The following TMX4 variants were observed in gnomAD, a reference collection of about 807,000 sequenced individuals.
The protein encoded by TMX4 is thioredoxin-related transmembrane protein 4.
A neutral mutation model predicts 33.3 loss-of-function variants in TMX4; 23 were observed. The ratio of observed to expected loss-of-function variants is 0.69; its 90% CI spans 0.50 to 0.98. The LOEUF (loss-of-function observed/expected upper bound fraction) is 0.98, where lower values mean the gene tolerates loss of function less well. Ranked by LOEUF, TMX4 falls within the 50% of genes least tolerant of loss-of-function variation. The probability of loss-of-function intolerance (pLI) is 0.00; values close to 1 mark genes in which losing one functional copy is unlikely to be tolerated. For synonymous variants in TMX4, 164 were observed against 161.5 expected, an observed-to-expected ratio of 1.02 and a Z score of -0.12; for missense variants, 399 against 448.9, an observed-to-expected ratio of 0.89 and a Z score of 1.01.
At position 7,982,590 on chromosome 20, in the gene TMX4, T is replaced by C. The variant is rs2050612921; in HGVS notation, c.711A>G (p.Arg237=). The C allele has an allele frequency of 9.9e-6, 16 of 1,613,030 alleles. No homozygotes were observed. The highest frequency in any genetic ancestry group is 1.4e-5 in the Non-Finnish European group (16 of 1,179,908). ...EQNRRSEEAH[R]AEQLQDAEEE... is the part of the protein sequence containing the mutation. ...CCTCCGCATCCTGCAACTGTTCAGCTCTATGAGCCTCCTCTGATCTCCGAT... is the reference window on the plus strand; with the variant it reads ...CCTCCGCATCCTGCAACTGTTCAGCCCTATGAGCCTCCTCTGATCTCCGAT... The change falls in exon 8 of 8, where the codon AGA becomes AGG. Residue 237 remains arginine (R), a synonymous_variant. Transcript: ENST00000246024.
At chr20:7,994,774 T>C (rs1354168954) in intron 5 of TMX4, among the ~76,000 whole-genome samples, 2 of 152,200 alleles carry the variant, frequency 1.3e-5, no homozygotes, top group Non-Finnish European at 2.9e-5. Context: ...TACATGATTT[T>C]GTCAGTCTTT....
intron 1 of TMX4, among the ~76,000 whole-genome samples, chr20:8,014,858 G>T (rs2050766634): frequency 6.6e-6 from 1 of 152,210 alleles, no homozygotes; most frequent in African/African-American, 2.4e-5. Flanking sequence ...GAGGGCCAAA[G>T]CAAGAGTCAA....
chr20:7,983,455 C>T (rs2050617776), intron 7 of TMX4, among the ~76,000 whole-genome samples: 1 of 152,080 alleles, frequency 6.6e-6, no homozygotes, highest in South Asian at 2.1e-4. Context: ...TTTTAAAGGA[C>T]TTAGAAGAGT....
intron 2 of TMX4, among the ~76,000 whole-genome samples, chr20:8,009,091 G>A (rs1208639906): frequency 1.3e-5 from 2 of 152,090 alleles, no homozygotes; most frequent in African/African-American, 4.8e-5. Context: ...AAAGGATGCA[G>A]TAGGTATAAA....
intron 3 of TMX4, 140 bp downstream of exon 3, chr20:8,001,356 C>T (rs2050706706): frequency 2.4e-6 from 2 of 849,756 alleles, no homozygotes; most frequent in South Asian, 3.5e-5. Flanking sequence ...CTTGTCACAG[C>T]TCTCACTCAG....
At position 7,995,739 on chromosome 20, in the gene TMX4, A is replaced by G. The variant is rs149918721; in HGVS notation, c.513+287T>C. ...GGGAGATATGCCTACAAAGAAATAC[A>G]TAAGATAAAGTAAAATCACATAAGC... On this transcript the variant is annotated intron_variant, in intron 5 of 7. Transcript: ENST00000246024. Among the ~76,000 whole-genome samples, 584 of 152,112 alleles carry G rather than the reference A, an allele frequency of 3.8e-3. 5 individuals carry two copies. Among genetic ancestry groups the G allele is most frequent in the Admixed American group, 0.011 (164 of 15,240 alleles).
Position 8,019,685 on chromosome 20 carries a change from C to T in TMX4, c.-72G>A, listed in dbSNP as rs1026790762. 1.1e-5 allele frequency: 13 copies of T among 1,237,106 alleles called. No homozygotes were observed. The highest frequency in any genetic ancestry group is 1.3e-5 in the Non-Finnish European group (13 of 979,470). The allele number at this position is 1,237,106 out of a possible 1,614,324, so 76.6% of individuals were successfully genotyped here. A position where few individuals can be genotyped will look rare whatever the true frequency, so the allele number is the denominator to read the frequency against. On this transcript the variant is annotated 5_prime_UTR_variant, in exon 1 of 8. Transcript: ENST00000246024. ...AGCGGCCGGCCCGCAGCCTCGCTCGCCCGCCGGGTTTTTCAAGGAAGCGGG... is the reference window on the plus strand; with the variant it reads ...AGCGGCCGGCCCGCAGCCTCGCTCGTCCGCCGGGTTTTTCAAGGAAGCGGG...
In TMX4 at chr20:7,982,157, A is replaced by G. The variant is rs2050608849; in HGVS notation, c.*94T>C. The stretch of plus-strand genomic sequence containing the variant: ...AGCATCTTTTAAGAGAAGCTTGCTC[A>G]TTCAGGAAAAATTAAGGATTTGGTA... On this transcript the variant is annotated 3_prime_UTR_variant, in exon 8 of 8. Coordinates refer to ENST00000246024, the MANE Select transcript of TMX4 (RefSeq NM_021156.4). The G allele has an allele frequency of 7.5e-7, 1 of 1,335,546 alleles. No individual in the cohort carries two copies. The highest frequency in any genetic ancestry group is 1.5e-5 in the South Asian group (1 of 68,930). 82.7% of individuals were successfully genotyped at this position (1,335,546 alleles called of 1,614,324 possible).
chr20:8,009,789 G>T (rs917890623), intron 2 of TMX4, among the ~76,000 whole-genome samples: 5 of 147,714 alleles, frequency 3.4e-5, no homozygotes, highest in African/African-American at 1.3e-4. Flanking sequence ...ATTGTTGATT[G>T]CAAGAGACTA....
In TMX4 at chr20:8,010,219, T is replaced by C; in HGVS notation, c.273A>G (p.Val91=). ...CAGTACCTGGTTCTTGAATGACATC[T>C]ACCTTCCCCACACTGATCTGAAGTA... The part of the protein sequence containing the change: ...GEILQISVGK[V]DVIQEPGLSG... Residue 91 remains valine (V), a synonymous_variant, in exon 2 of 8, where the codon GTA becomes GTG. Transcript: ENST00000246024. 6.2e-7 allele frequency: 1 copy of C among 1,610,168 alleles called. No homozygotes were observed. Among genetic ancestry groups the C allele is most frequent in the Non-Finnish European group, 8.5e-7 (1 of 1,177,680 alleles).
intron 2 of TMX4, among the ~76,000 whole-genome samples, chr20:8,005,833 A>C (rs917439133): frequency 9.2e-5 from 14 of 151,958 alleles, no homozygotes; most frequent in Non-Finnish European, 1.9e-4. Context: ...GGGTGGCCCA[A>C]CTCCAGGGGA....
chr20:8,005,333 C>T (rs2179132), intron 2 of TMX4, among the ~76,000 whole-genome samples: 38,387 of 152,122 alleles, frequency 0.25, 9,231 homozygotes, highest in African/African-American at 0.6. Flanking sequence ...ACCTGATCTA[C>T]GCAGTATTAA....
chr20:8,009,277 C>T (rs1163761256), intron 2 of TMX4, among the ~76,000 whole-genome samples: 1 of 152,116 alleles, frequency 6.6e-6, no homozygotes, highest in Non-Finnish European at 1.5e-5. Context: ...CTCTGTATCA[C>T]TCCACTCTTT....
At chr20:8,000,058 G>A (rs1208992294) in intron 3 of TMX4, among the ~76,000 whole-genome samples, 198 bp from the exon 4 acceptor site, 5 of 152,092 alleles carry the variant, frequency 3.3e-5, no homozygotes, top group African/African-American at 7.2e-5. Flanking sequence ...ACCTAAAAGC[G>A]TTAACATTCT....
chr20:8,016,769 T>G (rs190594875), intron 1 of TMX4, among the ~76,000 whole-genome samples: 2 of 152,260 alleles, frequency 1.3e-5, no homozygotes, highest in African/African-American at 4.8e-5. Flanking sequence ...AGAACTCTCA[T>G]TCAAAGTAAT....
chr20:8,008,703 A>G (rs2050740427), intron 2 of TMX4, among the ~76,000 whole-genome samples: 1 of 152,212 alleles, frequency 6.6e-6, no homozygotes, highest in Non-Finnish European at 1.5e-5. Flanking sequence ...AGTAATTAAC[A>G]AGTCTTATGC....
At position 8,010,307 on chromosome 20, in the gene TMX4, G is replaced by A. The variant is rs1251576516; in HGVS notation, c.185C>T (p.Pro62Leu). Residue 62 changes from proline to leucine, a missense_variant, in exon 2 of 8, where the codon CCA (proline) becomes CTA (leucine). Transcript: ENST00000246024. ...AGTCTGCTGGCAGGATGGACACCATGGGGCGTAACTATAAGAGAAGAATAA... is the reference window on the plus strand; with the variant it reads ...AGTCTGCTGGCAGGATGGACACCATAGGGCGTAACTATAAGAGAAGAATAA... ...EGEWMLKFYAPWCPSCQQTDS... is the reference protein window; with the variant it reads ...EGEWMLKFYALWCPSCQQTDS... The A allele has an allele frequency of 6.2e-7, 1 of 1,607,148 alleles. No homozygotes were observed. The highest frequency in any genetic ancestry group is 1.1e-5 in the South Asian group (1 of 90,286).
chr20:8,009,542 A>G (rs2050743779), intron 2 of TMX4, among the ~76,000 whole-genome samples: 1 of 152,156 alleles, frequency 6.6e-6, no homozygotes, highest in African/African-American at 2.4e-5. Flanking sequence ...AATTAGCATT[A>G]CTAATGGTGA....
chr20:8,007,082 C>T (rs1156516384), intron 2 of TMX4, among the ~76,000 whole-genome samples: 1 of 152,076 alleles, frequency 6.6e-6, no homozygotes, highest in African/African-American at 2.4e-5. Context: ...TTCTTTTTTT[C>T]TAAATGTTGC....
Sources: gnomAD v4.1 joint callset for allele counts (sites outside exome capture counted in the v4.1 genomes callset) on GRCh38, gnomAD v4.1.1 for gene constraint, MANE v1.5 for transcripts, NCBI Gene and HGNC (gene_info 2026-07-23, HGNC 2026-07-21) for gene names.